The following GPR158 variants were observed in gnomAD, a reference collection of about 807,000 sequenced individuals.
GPR158 encodes the protein metabotropic glycine receptor.
In GPR158, 30 loss-of-function variants were observed where a neutral mutation model predicts 78.2. That is an observed-to-expected ratio of 0.38 (90% CI 0.29 to 0.52). The LOEUF (loss-of-function observed/expected upper bound fraction) is 0.52, where lower values mean the gene tolerates loss of function less well. Ranked by LOEUF, GPR158 falls within the 20% of genes least tolerant of loss-of-function variation. The probability of loss-of-function intolerance (pLI) is 0.83; values close to 1 mark genes in which losing one functional copy is unlikely to be tolerated. For missense variants in GPR158, 1,463 were observed against 1,523.5 expected (o/e 0.96, Z 0.66); for synonymous variants, 581 against 591.1 (o/e 0.98, Z 0.25).
At chr10:25,445,794 G>T (rs961572409) in intron 4 of GPR158, among the ~76,000 whole-genome samples, 1 of 152,024 alleles carries the variant, frequency 6.6e-6, no homozygotes, top group Non-Finnish European at 1.5e-5. Flanking sequence ...AGACAGACTA[G>T]GAGGACTCTC....
intron 2 of GPR158, among the ~76,000 whole-genome samples, chr10:25,306,146 C>T (rs960888703): frequency 6.6e-6 from 1 of 152,150 alleles, no homozygotes; most frequent in East Asian, 1.9e-4. Flanking sequence ...TGTTATCTCT[C>T]TACCATTTCC....
chr10:25,231,515 C>T (rs542994110), intron 2 of GPR158, among the ~76,000 whole-genome samples: 2 of 152,066 alleles, frequency 1.3e-5, no homozygotes. Flanking sequence ...GATTGTGTCC[C>T]CAACTTTCTT....
At chr10:25,410,912 T>C (rs12259696) in intron 3 of GPR158, among the ~76,000 whole-genome samples, 18,439 of 152,170 alleles carry the variant, frequency 0.12, 1,156 homozygotes, top group East Asian at 0.17. Context: ...GATTGTGAAT[T>C]CTTAATAAGA....
intron 5 of GPR158, 35 bp from the exon 6 acceptor site, chr10:25,550,941 G>T: frequency 9.3e-7 from 1 of 1,076,862 alleles, no homozygotes; most frequent in Non-Finnish European, 1.4e-6. Context: ...GTCATCAGTT[G>T]ATCCTGAAGG....
intron 5 of GPR158, 41 bp downstream of exon 5, chr10:25,466,760 T>C (rs1273115553): frequency 1.8e-6 from 2 of 1,087,410 alleles, no homozygotes; most frequent in South Asian, 1.3e-5. Context: ...AAATTTATTT[T>C]ATGTTGCATA....
chr10:25,253,674 A>G (rs2130725656), intron 2 of GPR158, among the ~76,000 whole-genome samples: 1 of 152,332 alleles, frequency 6.6e-6, no homozygotes, highest in South Asian at 2.1e-4. Flanking sequence ...CATATGAGCC[A>G]TGCTGAAACC....
At chr10:25,458,272 C>T (rs1183289128) in intron 4 of GPR158, among the ~76,000 whole-genome samples, 3 of 152,042 alleles carry the variant, frequency 2.0e-5, no homozygotes, top group Non-Finnish European at 4.4e-5. Flanking sequence ...TAGTTAAGAC[C>T]GTCAAGAATT....
intron 2 of GPR158, among the ~76,000 whole-genome samples, chr10:25,348,269 G>C (rs1215231802): frequency 1.3e-5 from 2 of 151,812 alleles, no homozygotes; most frequent in African/African-American, 4.8e-5. Context: ...TTTAGGGATA[G>C]ATCTGTTGCT....
At chr10:25,357,560 A>C (rs1462825161) in intron 2 of GPR158, among the ~76,000 whole-genome samples, 3 of 152,098 alleles carry the variant, frequency 2.0e-5, no homozygotes, top group Admixed American at 6.6e-5. Context: ...GGTACAGCTC[A>C]GGCTGTGGCT....
Position 25,466,667 on chromosome 10 carries a change from G to T in GPR158, c.1352G>T (p.Gly451Val), listed in dbSNP as rs1272092386. 2.3e-5 allele frequency: 37 copies of T among 1,605,822 alleles called. No individual in the cohort carries two copies. The highest frequency in any genetic ancestry group is 3.2e-5 in the Non-Finnish European group (37 of 1,174,408). Residue 451 changes from glycine (G) to valine (V), a missense_variant, in exon 5 of 11, where the codon GGC (glycine) becomes GTC (valine). Transcript: ENST00000376351. ...FRKAKSIRAS[G>V]LILLETILFG... The stretch of plus-strand genomic sequence containing the variant: ...TTTTTTCAGAGCATCCGGGCATCGG[G>T]CCTTATCCTGTTGGAAACGATCCTT...
chr10:25,480,452 A>G lies in GPR158; in HGVS notation c.1404+13733A>G, dbSNP rs534127399. On this transcript the variant is annotated intron_variant, in intron 5 of 10. Coordinates refer to ENST00000376351, the MANE Select transcript of GPR158 (RefSeq NM_020752.3). Reference sequence around the variant, plus strand: ...TATCGATTTCCAAAACTTTTTCATCATCCCAAGCTAAAACTCTGTATTCAT... The same window carrying G: ...TATCGATTTCCAAAACTTTTTCATCGTCCCAAGCTAAAACTCTGTATTCAT... Among the ~76,000 whole-genome samples, 48 of 152,284 alleles carry G rather than the reference A, an allele frequency of 3.2e-4. 1 individual carries two copies. Among genetic ancestry groups the G allele is most frequent in the Middle Eastern group, 3.4e-3 (1 of 294 alleles).
chr10:25,570,322 A>G (rs1256641746), intron 6 of GPR158, among the ~76,000 whole-genome samples: 1 of 152,250 alleles, frequency 6.6e-6, no homozygotes, highest in South Asian at 2.1e-4. Flanking sequence ...TTTAAAAAGT[A>G]TATAGATACT....
At chr10:25,493,222 G>A (rs1448465068) in intron 5 of GPR158, among the ~76,000 whole-genome samples, 3 of 152,148 alleles carry the variant, frequency 2.0e-5, no homozygotes, top group Non-Finnish European at 4.4e-5. Flanking sequence ...CCTAGCATGG[G>A]GCCTGCTTCA....
intron 8 of GPR158, among the ~76,000 whole-genome samples, chr10:25,592,768 T>G (rs896525288): frequency 6.6e-6 from 1 of 151,930 alleles, no homozygotes; most frequent in African/African-American, 2.4e-5. Flanking sequence ...AATGTCTCCT[T>G]TAATGTAACT....
chr10:25,549,842 C>T (rs1335198), intron 5 of GPR158, among the ~76,000 whole-genome samples: 41,407 of 151,978 alleles, frequency 0.27, 6,815 homozygotes, highest in Non-Finnish European at 0.36. Context: ...CAGTACCTAC[C>T]CCATGGCCCC....
chr10:25,578,037 A>C (rs1018176077), intron 7 of GPR158, among the ~76,000 whole-genome samples: 1 of 152,194 alleles, frequency 6.6e-6, no homozygotes, highest in Non-Finnish European at 1.5e-5. Flanking sequence ...ATCAGATTAT[A>C]ATTCCTATAA....
rs943800773 is a variant in GPR158, at chr10:25,468,704, C to A, written c.1404+1985C>A. 7.2e-5 allele frequency among the ~76,000 whole-genome samples: 11 copies of A among 152,190 alleles called. No homozygotes were observed. The East Asian group carries it at 2.1e-3, about 29-fold the overall frequency. On this transcript the variant is annotated intron_variant, in intron 5 of 10. Coordinates refer to ENST00000376351, the MANE Select transcript of GPR158 (RefSeq NM_020752.3). ...GGACGCTAGCATACCAGTAACATGT[C>A]TGAAACCAGAAGATAAGTACTGACT...
chr10:25,574,717 T>C (rs1837063907), intron 7 of GPR158, among the ~76,000 whole-genome samples: 1 of 152,074 alleles, frequency 6.6e-6, no homozygotes. Context: ...AAACACCGTC[T>C]CTACTAAAAA....
chr10:25,540,501 AT>A lies in GPR158; in HGVS notation c.1405-10473del, dbSNP rs577337508. Among the ~76,000 whole-genome samples the A allele has an allele frequency of 3.2e-4, 48 of 152,332 alleles. No individual in the cohort carries two copies. In the East Asian group the frequency reaches 9.3e-3, roughly 29 times the overall value. On this transcript the variant is annotated intron_variant, in intron 5 of 10. Coordinates refer to ENST00000376351, the MANE Select transcript of GPR158 (RefSeq NM_020752.3). ...TAAAGACACATGCATACGTATGTTTATTGTGGCACTATTCACAATAGCAAAG... is the reference window on the plus strand; with the variant it reads ...TAAAGACACATGCATACGTATGTTTATGTGGCACTATTCACAATAGCAAAG...
Sources: gnomAD v4.1 joint callset for allele counts (sites outside exome capture counted in the v4.1 genomes callset) on GRCh38, gnomAD v4.1.1 for gene constraint, MANE v1.5 for transcripts, NCBI Gene and HGNC (gene_info 2026-07-23, HGNC 2026-07-21) for gene names.